RPS12: variants seen among roughly 807,000 people sequenced by gnomAD.
RPS12 encodes ribosomal protein S12, also known as small ribosomal subunit protein eS12.
Under a neutral mutation model 17.2 loss-of-function variants are expected in RPS12, and 1 was observed. That is an observed-to-expected ratio of 0.06 (90% CI 0.02 to 0.28). RPS12 has a LOEUF of 0.28. Ranked by LOEUF, RPS12 falls within the 10% of genes least tolerant of loss-of-function variation. RPS12 has a pLI of 1.00. For synonymous variants in RPS12, 67 were observed against 54.0 expected, an observed-to-expected ratio of 1.24 and a Z score of -1.06; for missense variants, 146 against 162.1, an observed-to-expected ratio of 0.90 and a Z score of 0.54.
intron 3 of RPS12, chr6:132,815,852 T>C (rs1217759808): frequency 1.2e-5 from 5 of 432,212 alleles, no homozygotes; most frequent in Admixed American, 1.1e-4. Context: ...TTTTCTTTTT[T>C]TTTTTTGAGA....
intron 5 of RPS12, 115 bp downstream of exon 5, chr6:132,817,176 G>C: frequency 1.2e-6 from 1 of 804,742 alleles, no homozygotes; most frequent in South Asian, 1.4e-5. Context: ...CAGGTTTAAA[G>C]CATTTTCTGC....
chr6:132,814,924 A>G, intron 2 of RPS12, 48 bp from the exon 3 acceptor site: 3 of 1,431,892 alleles, frequency 2.1e-6, no homozygotes, highest in Non-Finnish European at 3.0e-6. Context: ...GCAAGGCCTT[A>G]TGTGGTGTGA....
In RPS12 at chr6:132,816,524, G is replaced by A. The variant is rs1392491201; in HGVS notation, c.195G>A (p.Val65=). The stretch of plus-strand genomic sequence containing the variant: ...ATGAGCCTATGTATGTCAAGTTGGT[G>A]GAGGCCCTTTGTGCTGAACACCAAA... ...NCDEPMYVKL[V]EALCAEHQIN... is the part of the protein sequence containing the mutation. The change falls in exon 4 of 6, where the codon GTG becomes GTA. Residue 65 remains valine, a synonymous_variant. Coordinates refer to ENST00000230050, the MANE Select transcript of RPS12 (RefSeq NM_001016.4). 3.1e-6 allele frequency: 5 copies of A among 1,604,234 alleles called. No individual in the cohort carries two copies. The Admixed American group carries it at 6.7e-5, about 21-fold the overall frequency.
chr6:132,814,583 C>T lies in RPS12; in HGVS notation c.-68C>T, dbSNP rs1781997465. 4 of 771,814 alleles carry T rather than the reference C, an allele frequency of 5.2e-6. No homozygotes were observed. In the Admixed American group the frequency reaches 7.8e-5, roughly 15 times the overall value. The allele number at this position is 771,814 out of a possible 1,614,324, so 47.8% of individuals were successfully genotyped here. On this transcript the variant is annotated 5_prime_UTR_variant, in exon 1 of 6. Transcript: ENST00000230050. ...GCGGATGAGGCCTCTTTCCCTGCCG[C>T]CGCCGAGTCGCGCGGAGGCGGAGGC...
intron 4 of RPS12, 137 bp from the exon 5 acceptor site, chr6:132,816,823 C>T (rs373631168): frequency 6.5e-4 from 502 of 777,108 alleles, no homozygotes; most frequent in Non-Finnish European, 8.6e-4. Context: ...TGACAACTGG[C>T]TCCCTCTACT....
chr6:132,815,266 G>C, intron 3 of RPS12, 178 bp downstream of exon 3: 1 of 748,606 alleles, frequency 1.3e-6, no homozygotes, highest in Non-Finnish European at 2.5e-6. Flanking sequence ...AAAATGTGTG[G>C]GTTGCTGTTT....
rs933469653 is a variant in RPS12, at chr6:132,814,572, T to C, written c.-79T>C. On this transcript the variant is annotated 5_prime_UTR_variant, in exon 1 of 6. Transcript: ENST00000230050. ...CCGGCATGCGTGCGGATGAGGCCTC[T>C]TTCCCTGCCGCCGCCGAGTCGCGCG... The C allele has an allele frequency of 4.1e-6, 3 of 738,098 alleles. No homozygotes were observed. Among genetic ancestry groups the C allele is most frequent in the East Asian group, 2.5e-5 (1 of 40,652 alleles). 45.7% of individuals were successfully genotyped at this position (738,098 alleles called of 1,614,324 possible). A position where few individuals can be genotyped will look rare whatever the true frequency, so the allele number is the denominator to read the frequency against.
At position 132,815,483 on chromosome 6, in the gene RPS12, G is replaced by T. The variant is rs191452086; in HGVS notation, c.131+395G>T. 8 of 419,718 alleles carry T rather than the reference G, an allele frequency of 1.9e-5. No individual in the cohort carries two copies. The Admixed American group carries it at 2.3e-4, about 12-fold the overall frequency. 26.0% of individuals were successfully genotyped at this position (419,718 alleles called of 1,614,324 possible). A position where few individuals can be genotyped will look rare whatever the true frequency, so the allele number is the denominator to read the frequency against. On this transcript the variant is annotated intron_variant, in intron 3 of 5. Coordinates refer to ENST00000230050, the MANE Select transcript of RPS12 (RefSeq NM_001016.4). ...TTGCAAAACAAGCATTAATTTAATG[G>T]AATTTCAAACTCAGGTTTCAGAAGC...
At chr6:132,817,346 A>G in intron 5 of RPS12, 134 bp from the exon 6 acceptor site, 1 of 807,488 alleles carries the variant, frequency 1.2e-6, no homozygotes, top group Non-Finnish European at 2.2e-6. Context: ...AATGGCTATA[A>G]CAAATCTTAG....
At chr6:132,815,486 T>A in intron 3 of RPS12, 2 of 417,764 alleles carry the variant, frequency 4.8e-6, no homozygotes, top group Non-Finnish European at 9.5e-6. Context: ...TTTAATGGAA[T>A]TTCAAACTCA....
Position 132,815,019 on chromosome 6 carries a change from T to G in RPS12, c.62T>G (p.Val21Gly). Residue 21 changes from valine (V) to glycine (G), a missense_variant, in exon 3 of 6, where the codon GTT (valine) becomes GGT (glycine). By Grantham distance (109) the Val-to-Gly change is moderately radical. Around this residue, in one of 2 missense-constraint regions of RPS12, gnomAD observed 117 missense variants for 104.6 expected, o/e 1.12. Transcript: ENST00000230050. The stretch of plus-strand genomic sequence containing the variant: ...GACGTTAATACTGCTTTACAAGAGG[T>G]TCTGAAGACTGCCCTCATCCACGAT... Reference protein sequence around the residue: ...VMDVNTALQEVLKTALIHDGL... With the variant: ...VMDVNTALQEGLKTALIHDGL... The G allele has an allele frequency of 6.2e-7, 1 of 1,613,804 alleles. No homozygotes were observed. The highest frequency in any genetic ancestry group is 8.5e-7 in the Non-Finnish European group (1 of 1,179,790).
chr6:132,817,142 T>C (rs946588025), intron 5 of RPS12, 81 bp downstream of exon 5: 8 of 940,388 alleles, frequency 8.5e-6, no homozygotes, highest in African/African-American at 4.9e-5. Flanking sequence ...TTGAGGATCT[T>C]ATAAAAGGAA....
intron 4 of RPS12, 75 bp downstream of exon 4, chr6:132,816,638 C>G (rs1303569465): frequency 3.0e-6 from 3 of 1,003,754 alleles, no homozygotes; most frequent in African/African-American, 1.6e-5. Context: ...TGTGAAGTCT[C>G]AAGCTGTTCA....
chr6:132,814,753 C>G lies in RPS12; in HGVS notation c.-16C>G, dbSNP rs756595359. On this transcript the variant is annotated 5_prime_UTR_variant, in exon 2 of 6. Transcript: ENST00000230050. Reference sequence around the variant, plus strand: ...TTAGTGCGTTCAAGATTCAACTTCACCCGTAACCCACCGCCATGGCCGAGG... The same window carrying G: ...TTAGTGCGTTCAAGATTCAACTTCAGCCGTAACCCACCGCCATGGCCGAGG... 8 of 1,613,518 alleles carry G rather than the reference C, an allele frequency of 5.0e-6. No individual in the cohort carries two copies. The Admixed American group carries it at 1.0e-4, about 20-fold the overall frequency.
chr6:132,816,359 AT>A, intron 3 of RPS12, 101 bp from the exon 4 acceptor site: 1 of 816,902 alleles, frequency 1.2e-6, no homozygotes, highest in Non-Finnish European at 2.0e-6. Context: ...TTGGCTGCTT[AT>A]GTTTCGCAAG....
intron 3 of RPS12, chr6:132,816,132 C>T: frequency 2.5e-6 from 1 of 398,008 alleles, no homozygotes; most frequent in Non-Finnish European, 4.7e-6. Flanking sequence ...TCGTGCCCGG[C>T]CTTTCACATG....
At position 132,817,513 on chromosome 6, in the gene RPS12, A is replaced by AT. The variant is rs1782091894; in HGVS notation, c.372dup (p.Glu125Ter). On this transcript the variant is annotated frameshift_variant, in exon 6 of 6. Coordinates refer to ENST00000230050, the MANE Select transcript of RPS12 (RefSeq NM_001016.4). LOFTEE classifies it high-confidence loss of function. ...CAAGGAGTCTCAGGCCAAGGATGTC[A>AT]TTGAAGAGTATTTCAAATGCAAGAA... 1 of 1,611,588 alleles carries AT rather than the reference A, an allele frequency of 6.2e-7. No homozygotes were observed. Among genetic ancestry groups the AT allele is most frequent in the African/African-American group, 1.3e-5 (1 of 74,886 alleles).
intron 2 of RPS12, 60 bp from the exon 3 acceptor site, chr6:132,814,912 G>A (rs1023865766): frequency 1.6e-5 from 22 of 1,414,626 alleles, no homozygotes; most frequent in Non-Finnish European, 2.1e-5. Flanking sequence ...CTTTTGCTGA[G>A]TGCAAGGCCT....
chr6:132,814,788 C>T lies in RPS12; in HGVS notation c.14+6C>T, dbSNP rs1782004703. The T allele has an allele frequency of 3.1e-6, 5 of 1,612,648 alleles. No homozygotes were observed. Among genetic ancestry groups the T allele is most frequent in the Non-Finnish European group, 3.4e-6 (4 of 1,178,860 alleles). On this transcript the variant is annotated splice_donor_region_variant and intron_variant, in intron 2 of 5. Coordinates refer to ENST00000230050, the MANE Select transcript of RPS12 (RefSeq NM_001016.4). Reference sequence around the variant, plus strand: ...ACCGCCATGGCCGAGGAAGGGTGAGCCCAGGGGCCGGGGTTGGAGTTGGGG... The same window carrying T: ...ACCGCCATGGCCGAGGAAGGGTGAGTCCAGGGGCCGGGGTTGGAGTTGGGG...
Sources: gnomAD v4.1 joint callset for allele counts on GRCh38, gnomAD v4.1.1 for gene constraint, gnomAD v4.1.1 regional missense constraint, MANE v1.5 for transcripts, NCBI Gene and HGNC (gene_info 2026-07-23, HGNC 2026-07-21) for gene names.